VARS1: variants seen among roughly 807,000 people sequenced by gnomAD.
VARS1 encodes valine--tRNA ligase.
A neutral mutation model predicts 161.0 loss-of-function variants in VARS1; 92 were observed. That is an observed-to-expected ratio of 0.57 (90% CI 0.48 to 0.68). The LOEUF is 0.68. Ranked by LOEUF, VARS1 falls within the 30% of genes least tolerant of loss-of-function variation. The probability of loss-of-function intolerance (pLI) is 0.00; values close to 1 mark genes in which losing one functional copy is unlikely to be tolerated. For synonymous variants in VARS1, 595 were observed against 682.5 expected (o/e 0.87, Z 2.00); for missense variants, 1,338 against 1,695.9 (o/e 0.79, Z 3.71).
chr6:31,781,493 C>A lies in VARS1; in HGVS notation c.2532G>T (p.Leu844=). The stretch of plus-strand genomic sequence containing the variant: ...GCTGTCTCCGCACCTCTCTAAAGGG[C>A]AGCCTGCCCGTGAGCTTCAGGCCCA... ...VMLGLKLTGR[L]PFREVYLHAI... is the part of the protein sequence containing the mutation. Residue 844 remains leucine (L), a synonymous_variant, in exon 21 of 30, where the codon CTG becomes CTT. Transcript: ENST00000375663. This position sits in a 1 kb window ranked among gnomAD's most constrained non-coding sequence, Gnocchi z 6.8. 1 of 1,612,632 alleles carries A rather than the reference C, an allele frequency of 6.2e-7. No homozygotes were observed. The highest frequency in any genetic ancestry group is 8.5e-7 in the Non-Finnish European group (1 of 1,179,914).
intron 2 of VARS1, among the ~76,000 whole-genome samples, chr6:31,793,847 A>T (rs866239816): frequency 1.6e-4 from 25 of 152,230 alleles, no homozygotes; most frequent in African/African-American, 6.0e-4. Context: ...TCACACCTAT[A>T]ATCTCAGCAC....
In VARS1 at chr6:31,780,110, C is replaced by G; in HGVS notation, c.2969G>C (p.Arg990Pro). The G allele has an allele frequency of 6.2e-7, 1 of 1,614,054 alleles. No homozygotes were observed. The highest frequency in any genetic ancestry group is 8.5e-7 in the Non-Finnish European group (1 of 1,180,028). Residue 990 changes from arginine (R) to proline (P), a missense_variant, in exon 26 of 30, where the codon CGC (arginine) becomes CCC (proline). Arg to Pro is a moderately radical substitution (Grantham distance 103, BLOSUM62 -2). Coordinates refer to ENST00000375663, the MANE Select transcript of VARS1 (RefSeq NM_006295.3). This position sits in a 1 kb window ranked among gnomAD's most constrained non-coding sequence, Gnocchi z 5.1. ...GCTGAGCCTCACAGCCTCTGTCAGG[C>G]GGCTGCGGATCCAGCGGTCCACCAG... is the stretch of plus-strand genomic sequence containing the variant. ...ESLVDRWIRS[R>P]LTEAVRLSNQ...
Position 31,791,849 on chromosome 6 carries a change from CT to C in VARS1, c.972+21del, listed in dbSNP as rs1484423928. 8 of 1,611,696 alleles carry C rather than the reference CT, an allele frequency of 5.0e-6. No individual in the cohort carries two copies. The highest frequency in any genetic ancestry group is 6.8e-6 in the Non-Finnish European group (8 of 1,179,358). On this transcript the variant is annotated intron_variant, in intron 7 of 29. Transcript: ENST00000375663. This position sits in a 1 kb window ranked among gnomAD's most constrained non-coding sequence, Gnocchi z 5.0. ...CTTCCCCACCCCACCCACTCTGGGC[CT>C]GGGCAGCAGTGCCTACTCACCCCAT...
chr6:31,785,594 G>A lies in VARS1; in HGVS notation c.1240C>T (p.Gln414Ter). Residue 414 changes from glutamine to a stop codon, truncating the protein, a stop_gained, in exon 9 of 30, where the codon CAG (glutamine) becomes TAG (stop). Coordinates refer to ENST00000375663, the MANE Select transcript of VARS1 (RefSeq NM_006295.3). LOFTEE classifies it high-confidence loss of function. The surrounding 1 kb of genome is among the most constrained non-coding windows in gnomAD (Gnocchi z 6.1). ...RHQLGREAFL[Q>*]EVWKWKEEKG... ...TCCTCCTTCCACTTCCAGACTTCCT[G>A]TAGAAAGGCCTCGCGGCCCAGCTGG... 1 of 1,611,836 alleles carries A rather than the reference G, an allele frequency of 6.2e-7. No individual in the cohort carries two copies. Among genetic ancestry groups the A allele is most frequent in the Non-Finnish European group, 8.5e-7 (1 of 1,179,522 alleles).
intron 8 of VARS1, among the ~76,000 whole-genome samples, chr6:31,786,812 A>G (rs1813540560): frequency 6.6e-6 from 1 of 152,112 alleles, no homozygotes; most frequent in Non-Finnish European, 1.5e-5. Flanking sequence ...TGTTTGTGAA[A>G]GTTGGCACTT....
In VARS1 at chr6:31,782,826, G is replaced by A. The variant is rs999447813; in HGVS notation, c.1782C>T (p.Pro594=). 1.9e-5 allele frequency: 31 copies of A among 1,612,492 alleles called. No homozygotes were observed. The highest frequency in any genetic ancestry group is 2.3e-5 in the Non-Finnish European group (27 of 1,179,788). ...DFGTGAVKIT[P]AHDQNDYEVG... is the part of the protein sequence containing the mutation. Reference sequence around the variant, plus strand: ...CTTCATAGTCATTTTGGTCATGTGCGGGGGTGATCTTCACAGCACCTGGGT... The same window carrying A: ...CTTCATAGTCATTTTGGTCATGTGCAGGGGTGATCTTCACAGCACCTGGGT... Residue 594 remains proline, a synonymous_variant, in exon 15 of 30, where the codon CCC becomes CCT. Transcript: ENST00000375663. The surrounding 1 kb of genome is among the most constrained non-coding windows in gnomAD (Gnocchi z 8.3).
chr6:31,795,006 C>A lies in VARS1; in HGVS notation c.212G>T (p.Gly71Val). The change falls in exon 2 of 30, where the codon GGG becomes GTG. Residue 71 changes from glycine (G) to valine (V), a missense_variant. By Grantham distance (109) the Gly-to-Val change is moderately radical. Around this residue, in one of 3 missense-constraint regions of VARS1, gnomAD observed 902 missense variants for 1,090.3 expected, o/e 0.83. Transcript: ENST00000375663. This position sits in a 1 kb window ranked among gnomAD's most constrained non-coding sequence, Gnocchi z 6.9. Reference sequence around the variant, plus strand: ...CAGCAGCTGGGCCACAGCCGTGGCCCCCCACACCCAGAGCCCACCGGGCCC... The same window carrying A: ...CAGCAGCTGGGCCACAGCCGTGGCCACCCACACCCAGAGCCCACCGGGCCC... Reference protein sequence around the residue: ...EQGPGGLWVWGATAVAQLLWP... With the variant: ...EQGPGGLWVWVATAVAQLLWP... The A allele has an allele frequency of 6.2e-7, 1 of 1,601,688 alleles. No homozygotes were observed. Among genetic ancestry groups the A allele is most frequent in the Non-Finnish European group, 8.5e-7 (1 of 1,173,086 alleles).
rs1813064237 is a variant in VARS1 at position 31,780,478 on chromosome 6, C to T, written c.2888G>A (p.Gly963Asp). 1.2e-6 allele frequency: 2 copies of T among 1,613,868 alleles called. No homozygotes were observed. Among genetic ancestry groups the T allele is most frequent in the Non-Finnish European group, 1.7e-6 (2 of 1,179,982 alleles). ...TGAGGGCACAAAACCCTTCCCAAGGCCACGAAGGGCAAACTTGGTGGCATT... is the reference window on the plus strand; with the variant it reads ...TGAGGGCACAAAACCCTTCCCAAGGTCACGAAGGGCAAACTTGGTGGCATT... ...LWNATKFALR[G>D]LGKGFVPSPT... is the part of the protein sequence containing the mutation. Residue 963 changes from glycine to aspartate, a missense_variant, in exon 25 of 30, where the codon GGC (glycine) becomes GAC (aspartate). Physicochemically the swap from Gly to Asp is moderately conservative, Grantham distance 94. Coordinates refer to ENST00000375663, the MANE Select transcript of VARS1 (RefSeq NM_006295.3). This position sits in a 1 kb window ranked among gnomAD's most constrained non-coding sequence, Gnocchi z 5.1.
In VARS1 at chr6:31,782,092, C is replaced by T; in HGVS notation, c.2236G>A (p.Gly746Arg). The change falls in exon 18 of 30, where the codon GGG (glycine) becomes AGG (arginine). Residue 746 changes from glycine (G) to arginine (R), a missense_variant. This residue lies in a region of VARS1 where 902 missense variants were observed against 1,090.3 expected (regional missense o/e 0.83). Coordinates refer to ENST00000375663, the MANE Select transcript of VARS1 (RefSeq NM_006295.3). This position sits in a 1 kb window ranked among gnomAD's most constrained non-coding sequence, Gnocchi z 8.3. ...VTVSDPAVPP[G>R]EDPDGRYWVS... ...AGCTCTGGCCCTCTGCTCACCTCCC[C>T]AGGGGGCACCGCTGGGTCACTGACA... 6.2e-7 allele frequency: 1 copy of T among 1,613,464 alleles called. No individual in the cohort carries two copies. The highest frequency in any genetic ancestry group is 8.5e-7 in the Non-Finnish European group (1 of 1,179,692).
rs201907675 is a variant in VARS1 at position 31,791,153 on chromosome 6, C to CA, written c.1100+456dup. ...GCAACAGAACAAGACTCTGTCCCCCCAAAAAAAAATATATATATTCATATG... is the reference window on the plus strand; with the variant it reads ...GCAACAGAACAAGACTCTGTCCCCCCAAAAAAAAAATATATATATTCATATG... On this transcript the variant is annotated intron_variant, in intron 8 of 29. Coordinates refer to ENST00000375663, the MANE Select transcript of VARS1 (RefSeq NM_006295.3). This position sits in a 1 kb window ranked among gnomAD's most constrained non-coding sequence, Gnocchi z 5.0. 2.0e-5 allele frequency among the ~76,000 whole-genome samples: 3 copies of CA among 149,224 alleles called. No homozygotes were observed. The highest frequency in any genetic ancestry group is 3.0e-5 in the Non-Finnish European group (2 of 67,238).
At chr6:31,789,864 C>T (rs1813752003) in intron 8 of VARS1, among the ~76,000 whole-genome samples, 1 of 147,534 alleles carries the variant, frequency 6.8e-6, no homozygotes, top group Admixed American at 6.8e-5. Flanking sequence ...ACTAAAAATA[C>T]AAAAAAAAAA....
rs772432467 is a variant in VARS1 at position 31,777,576 on chromosome 6, G to A, written c.*18C>T. 1.2e-6 allele frequency: 2 copies of A among 1,614,070 alleles called. No individual in the cohort carries two copies. The highest frequency in any genetic ancestry group is 1.7e-6 in the Non-Finnish European group (2 of 1,179,954). On this transcript the variant is annotated 3_prime_UTR_variant, in exon 30 of 30. Transcript: ENST00000375663. This position sits in a 1 kb window ranked among gnomAD's most constrained non-coding sequence, Gnocchi z 5.8. ...CATGGTGAGCCGCTGGGGGTGAGGG[G>A]TGAAGCTGGGTGGTGGATCACAGCA...
Position 31,784,196 on chromosome 6 carries a change from C to A in VARS1, c.1671+18G>T, listed in dbSNP as rs200836448. On this transcript the variant is annotated intron_variant, in intron 13 of 29. Transcript: ENST00000375663. The surrounding 1 kb of genome is among the most constrained non-coding windows in gnomAD (Gnocchi z 6.1). ...TTTTTGGCCAGAACTCCTTCCCTAACTGTGGACAGTCCCCCACCTGGTATC... is the reference window on the plus strand; with the variant it reads ...TTTTTGGCCAGAACTCCTTCCCTAAATGTGGACAGTCCCCCACCTGGTATC... 1.2e-6 allele frequency: 2 copies of A among 1,613,894 alleles called. No homozygotes were observed. Among genetic ancestry groups the A allele is most frequent in the African/African-American group, 2.7e-5 (2 of 74,952 alleles).
chr6:31,784,642 G>A lies in VARS1; in HGVS notation c.1420C>T (p.Leu474Phe). 6.2e-7 allele frequency: 1 copy of A among 1,613,114 alleles called. No individual in the cohort carries two copies. The highest frequency in any genetic ancestry group is 8.5e-7 in the Non-Finnish European group (1 of 1,180,044). ...TTGAGGGTGCAGGACCAGTTAACAA[G>A]GCGGGTACTGCGATAGATGATGCCT... ...EEGIIYRSTR[L>F]VNWSCTLNSA... Residue 474 changes from leucine (L) to phenylalanine (F), a missense_variant, in exon 11 of 30, where the codon CTT (leucine) becomes TTT (phenylalanine). Around this residue, in one of 3 missense-constraint regions of VARS1, gnomAD observed 902 missense variants for 1,090.3 expected, o/e 0.83. Coordinates refer to ENST00000375663, the MANE Select transcript of VARS1 (RefSeq NM_006295.3). The surrounding 1 kb of genome is among the most constrained non-coding windows in gnomAD (Gnocchi z 6.1).
Position 31,781,903 on chromosome 6 carries a change from CG to C in VARS1, c.2290del (p.Arg764GlyfsTer47). ...TCCGAACTCCTTGGCTGCCTTCTCCCGGGCCTCCGCCTCATTGCGTCCACTC... is the reference window on the plus strand; with the variant it reads ...TCCGAACTCCTTGGCTGCCTTCTCCCGGCCTCCGCCTCATTGCGTCCACTC... ...WVSGRNEAEA[R>X]EKAAKEFGVS... On this transcript the variant is annotated frameshift_variant, in exon 19 of 30. Coordinates refer to ENST00000375663, the MANE Select transcript of VARS1 (RefSeq NM_006295.3). LOFTEE classifies it high-confidence loss of function. This position sits in a 1 kb window ranked among gnomAD's most constrained non-coding sequence, Gnocchi z 6.8. 1 of 1,612,942 alleles carries C rather than the reference CG, an allele frequency of 6.2e-7. No individual in the cohort carries two copies. Among genetic ancestry groups the C allele is most frequent in the East Asian group, 2.2e-5 (1 of 44,882 alleles).
chr6:31,780,541 CGG>C lies in VARS1; in HGVS notation c.2823_2824del (p.Asn941LysfsTer39). On this transcript the variant is annotated frameshift_variant, in exon 25 of 30. Coordinates refer to ENST00000375663, the MANE Select transcript of VARS1 (RefSeq NM_006295.3). LOFTEE classifies it high-confidence loss of function. The surrounding 1 kb of genome is among the most constrained non-coding windows in gnomAD (Gnocchi z 5.1). Reference sequence around the variant, plus strand: ...GCAGAAGTGGCGGTAACCCAGTATCCGGTTCACATCCAGGTTGATGTCACGAC... The same window carrying C: ...GCAGAAGTGGCGGTAACCCAGTATCCTTCACATCCAGGTTGATGTCACGAC... The C allele has an allele frequency of 6.2e-7, 1 of 1,613,940 alleles. No homozygotes were observed. The highest frequency in any genetic ancestry group is 1.6e-4 in the Middle Eastern group (1 of 6,062).
At chr6:31,789,279 G>C (rs921286106) in intron 8 of VARS1, among the ~76,000 whole-genome samples, 1 of 151,820 alleles carries the variant, frequency 6.6e-6, no homozygotes, top group Non-Finnish European at 1.5e-5. Flanking sequence ...GAAAAAGAAC[G>C]AAGAATCAAT....
In VARS1 at chr6:31,785,088, C is replaced by T. The variant is rs1463342219; in HGVS notation, c.1347+158G>A. On this transcript the variant is annotated intron_variant, in intron 10 of 29. Coordinates refer to ENST00000375663, the MANE Select transcript of VARS1 (RefSeq NM_006295.3). The surrounding 1 kb of genome is among the most constrained non-coding windows in gnomAD (Gnocchi z 6.1). ...GGCCATGATATGGAAAGGGCCATGG[C>T]GAGGGGTGGGAAGTGGCATTTGCAG... is the stretch of plus-strand genomic sequence containing the variant. Among the ~76,000 whole-genome samples the T allele has an allele frequency of 3.9e-5, 6 of 152,048 alleles. 1 individual carries two copies. Among genetic ancestry groups the T allele is most frequent in the Admixed American group, 2.0e-4 (3 of 15,266 alleles).
intron 2 of VARS1, 108 bp downstream of exon 2, chr6:31,794,723 C>T (rs569150829): frequency 1.3e-5 from 18 of 1,413,660 alleles, no homozygotes; most frequent in Non-Finnish European, 1.6e-5. Flanking sequence ...GATTTGATCA[C>T]TCTTTTCCCA....
Sources: gnomAD v4.1 joint callset for allele counts (sites outside exome capture counted in the v4.1 genomes callset) on GRCh38, gnomAD v4.1.1 for gene constraint, gnomAD v4.1.1 regional missense constraint, Gnocchi (gnomAD v3.1) non-coding constraint, MANE v1.5 for transcripts, NCBI Gene and HGNC (gene_info 2026-07-23, HGNC 2026-07-21) for gene names.